Variants in MEMO1 observed in about 807,000 individuals in gnomAD.
MEMO1 encodes protein MEMO1.
A neutral mutation model predicts 45.2 loss-of-function variants in MEMO1; 6 were observed. The observed-to-expected ratio is 0.13, with a 90% CI of 0.07 to 0.26. The LOEUF (loss-of-function observed/expected upper bound fraction) is 0.26, where lower values mean the gene tolerates loss of function less well. Ranked by LOEUF, MEMO1 falls within the 10% of genes least tolerant of loss-of-function variation. The pLI, the probability that MEMO1 is intolerant of heterozygous loss-of-function variation, is 1.00. For synonymous variants in MEMO1, 78 were observed against 124.3 expected, an observed-to-expected ratio of 0.63 and a Z score of 2.48; for missense variants, 184 against 370.5, an observed-to-expected ratio of 0.50 and a Z score of 4.13.
At position 31,868,239 on chromosome 2, in the gene MEMO1, G is replaced by A. The variant is rs1245484475; in HGVS notation, c.*122C>T. On this transcript the variant is annotated 3_prime_UTR_variant, in exon 10 of 10. Transcript: ENST00000404530. Reference sequence around the variant, plus strand: ...ACCTACTAGAAAAAAAGAGAAGAAAGTTCTATTAGTTTGAGGTTTCAGAAT... The same window carrying A: ...ACCTACTAGAAAAAAAGAGAAGAAAATTCTATTAGTTTGAGGTTTCAGAAT... The A allele has an allele frequency of 2.2e-6, 2 of 911,554 alleles. No individual in the cohort carries two copies. The highest frequency in any genetic ancestry group is 3.0e-6 in the Non-Finnish European group (2 of 676,978). 56.5% of individuals were successfully genotyped at this position (911,554 alleles called of 1,614,324 possible). A position where few individuals can be genotyped will look rare whatever the true frequency, so the allele number is the denominator to read the frequency against.
At chr2:31,934,281 C>T (rs1445826273) in intron 3 of MEMO1, among the ~76,000 whole-genome samples, 1 of 152,020 alleles carries the variant, frequency 6.6e-6, no homozygotes, top group South Asian at 2.1e-4. Flanking sequence ...AATTTAAAGG[C>T]TCTAATCCCC....
At chr2:31,875,790 G>T (rs1456293517) in intron 8 of MEMO1, among the ~76,000 whole-genome samples, 2 of 151,980 alleles carry the variant, frequency 1.3e-5, no homozygotes, top group Non-Finnish European at 2.9e-5. Flanking sequence ...AGGTTTAAGC[G>T]ATTCTCCTGC....
At chr2:31,881,026 A>C (rs1231469680) in intron 8 of MEMO1, among the ~76,000 whole-genome samples, 1 of 151,886 alleles carries the variant, frequency 6.6e-6, no homozygotes. Flanking sequence ...ACTGTCTCAC[A>C]AAAAAATAAA....
At chr2:31,881,828 C>A (rs1675428891) in intron 8 of MEMO1, among the ~76,000 whole-genome samples, 1 of 151,856 alleles carries the variant, frequency 6.6e-6, no homozygotes, top group Non-Finnish European at 1.5e-5. Flanking sequence ...AAAGCAAGAC[C>A]TTGTCTCTAC....
intron 4 of MEMO1, among the ~76,000 whole-genome samples, chr2:31,927,049 G>A (rs1476793815): frequency 6.6e-6 from 1 of 151,892 alleles, no homozygotes; most frequent in African/African-American, 2.4e-5. Context: ...ACAAATATTC[G>A]GCTGGGTGCG....
chr2:31,928,944 G>C (rs1683532077), intron 4 of MEMO1, among the ~76,000 whole-genome samples: 1 of 152,044 alleles, frequency 6.6e-6, no homozygotes. Flanking sequence ...TTAGGATAGA[G>C]CTTCCGAACG....
intron 2 of MEMO1, among the ~76,000 whole-genome samples, chr2:31,986,703 G>A (rs1487243712): frequency 6.6e-6 from 1 of 152,124 alleles, no homozygotes; most frequent in Admixed American, 6.6e-5. Flanking sequence ...TTCTAAAGGA[G>A]ACAGGCAGAC....
At chr2:31,871,288 T>C (rs1289008892) in intron 8 of MEMO1, among the ~76,000 whole-genome samples, 1 of 152,202 alleles carries the variant, frequency 6.6e-6, no homozygotes, top group Admixed American at 6.5e-5. Flanking sequence ...GTTTTTGTTT[T>C]TATTTCACAT....
chr2:31,949,446 T>C (rs66522244), intron 2 of MEMO1, among the ~76,000 whole-genome samples: 34,893 of 151,968 alleles, frequency 0.23, 4,228 homozygotes, highest in Middle Eastern at 0.36. Flanking sequence ...TCATCTGCAA[T>C]AACATGGATA....
chr2:31,916,964 G>C (rs1169791876), intron 6 of MEMO1, among the ~76,000 whole-genome samples: 3 of 152,148 alleles, frequency 2.0e-5, no homozygotes, highest in Non-Finnish European at 2.9e-5. Flanking sequence ...CCACACAAAA[G>C]TCTGAGAACA....
intron 2 of MEMO1, among the ~76,000 whole-genome samples, chr2:32,002,956 G>A (rs987143818): frequency 3.3e-5 from 5 of 152,060 alleles, no homozygotes; most frequent in African/African-American, 1.2e-4. Flanking sequence ...ATAATAGGAT[G>A]GGATGCAAAG....
chr2:31,886,109 T>C (rs1051477129), intron 7 of MEMO1, among the ~76,000 whole-genome samples: 4 of 152,214 alleles, frequency 2.6e-5, no homozygotes, highest in Non-Finnish European at 5.9e-5. Flanking sequence ...GTAAATGCCA[T>C]CTACTTTTTG....
chr2:31,870,445 A>G (rs1043148259), intron 8 of MEMO1, among the ~76,000 whole-genome samples: 4 of 152,234 alleles, frequency 2.6e-5, no homozygotes, highest in African/African-American at 9.6e-5. Context: ...ATACTTAAAT[A>G]TCAACCATGT....
chr2:31,868,451 A>G lies in MEMO1; in HGVS notation c.804T>C (p.Phe268=). 2 of 1,605,720 alleles carry G rather than the reference A, an allele frequency of 1.2e-6. No homozygotes were observed. Among genetic ancestry groups the G allele is most frequent in the Non-Finnish European group, 1.7e-6 (2 of 1,176,370 alleles). ...ELQKNGMNMS[F]SFLNYAQSSQ... The stretch of plus-strand genomic sequence containing the variant: ...TCGACTGGGCATAATTCAAAAACGA[A>G]AAACTCATATTCATTCCATTCTTCT... Residue 268 remains phenylalanine, a synonymous_variant, in exon 10 of 10, where the codon TTT becomes TTC. Coordinates refer to ENST00000404530, the MANE Select transcript of MEMO1 (RefSeq NM_001301833.4).
At chr2:31,911,028 A>G (rs1403899762) in intron 6 of MEMO1, among the ~76,000 whole-genome samples, 1 of 152,088 alleles carries the variant, frequency 6.6e-6, no homozygotes, top group Non-Finnish European at 1.5e-5. Context: ...AGGCAGGAAA[A>G]AAGTGGAAGA....
At chr2:31,903,471 G>A (rs917877552) in intron 6 of MEMO1, among the ~76,000 whole-genome samples, 19 of 152,114 alleles carry the variant, frequency 1.2e-4, no homozygotes, top group African/African-American at 3.6e-4. Flanking sequence ...AAATCTTTAC[G>A]CTGATAAAAT....
intron 2 of MEMO1, among the ~76,000 whole-genome samples, chr2:31,999,958 C>A (rs1386462417): frequency 1.3e-5 from 2 of 149,706 alleles, no homozygotes; most frequent in South Asian, 4.2e-4. Context: ...ACATGGTTCA[C>A]TGCAGCCTCC....
At chr2:31,981,446 T>C (rs779072796) in intron 2 of MEMO1, among the ~76,000 whole-genome samples, 1 of 152,242 alleles carries the variant, frequency 6.6e-6, no homozygotes, top group Non-Finnish European at 1.5e-5. Context: ...ACTTGTGGCA[T>C]GAAAGCCATG....
intron 5 of MEMO1, among the ~76,000 whole-genome samples, chr2:31,920,513 C>G (rs1026547072): frequency 1.3e-5 from 2 of 152,060 alleles, no homozygotes; most frequent in Non-Finnish European, 2.9e-5. Context: ...TTTTTTGTCT[C>G]CTGGTACACT....
Sources: gnomAD v4.1 joint callset for allele counts (sites outside exome capture counted in the v4.1 genomes callset) on GRCh38, gnomAD v4.1.1 for gene constraint, MANE v1.5 for transcripts, NCBI Gene and HGNC (gene_info 2026-07-23, HGNC 2026-07-21) for gene names.